The following SCG5 variants were observed in gnomAD, a reference collection of about 807,000 sequenced individuals.
The protein encoded by SCG5 is neuroendocrine protein 7B2.
SCG5 carries 18 observed loss-of-function variants against 25.7 expected under a neutral mutation model. That is an observed-to-expected ratio of 0.70 (90% CI 0.48 to 1.04). SCG5 has a LOEUF of 1.04. Among genes scored for constraint, SCG5 ranks in the 50% least tolerant of loss-of-function variants. The probability of loss-of-function intolerance (pLI) is 0.00; values close to 1 mark genes in which losing one functional copy is unlikely to be tolerated. For synonymous variants in SCG5, 101 were observed against 91.7 expected (o/e 1.10, Z -0.58); for missense variants, 206 against 259.8 (o/e 0.79, Z 1.42).
At position 32,679,890 on chromosome 15, in the gene SCG5, A is replaced by C. The variant is rs1177048058; in HGVS notation, c.351A>C (p.Pro117=). ...FSEDQGYPDP[P]NPCPVGKTAD... is the part of the protein sequence containing the mutation. ...AGGATCAGGGGTACCCAGACCCTCC[A>C]AATCCCTGTCCTGTTGGAAAAACAG... is the stretch of plus-strand genomic sequence containing the variant. Residue 117 remains proline (P), a synonymous_variant, in exon 3 of 6, where the codon CCA becomes CCC. Transcript: ENST00000300175. 3 of 1,613,742 alleles carry C rather than the reference A, an allele frequency of 1.9e-6. No homozygotes were observed. Among genetic ancestry groups the C allele is most frequent in the Non-Finnish European group, 2.5e-6 (3 of 1,179,752 alleles).
Position 32,643,681 on chromosome 15 carries a change from G to A in SCG5, c.89G>A (p.Arg30Gln), listed in dbSNP as rs373839348. The A allele has an allele frequency of 8.1e-5, 131 of 1,613,724 alleles. No homozygotes were observed. Among genetic ancestry groups the A allele is most frequent in the East Asian group, 7.4e-4 (33 of 44,884 alleles). ...GWTPAFAYSPRTPDRVSEADI... is the reference protein window; with the variant it reads ...GWTPAFAYSPQTPDRVSEADI... ...ACTCCAGCATTTGCTTACAGCCCCC[G>A]GACCCCTGACCGGGTCTCAGAAGCA... Residue 30 changes from arginine to glutamine, a missense_variant, in exon 2 of 6, where the codon CGG (arginine) becomes CAG (glutamine). Transcript: ENST00000300175.
intron 2 of SCG5, chr15:32,677,671 TA>T (rs1267083450): frequency 1.3e-5 from 2 of 152,212 alleles, no homozygotes; most frequent in East Asian, 3.8e-4. Context: ...GCCTTTCCTG[TA>T]TTGGTCTGCG....
At position 32,688,737 on chromosome 15, in the gene SCG5, T is replaced by C. The variant is rs533895006; in HGVS notation, c.490-2973T>C. 4.6e-5 allele frequency among the ~76,000 whole-genome samples: 7 copies of C among 152,154 alleles called. No individual in the cohort carries two copies. The South Asian group carries it at 1.5e-3, about 32-fold the overall frequency. ...ACTTTGGGAGGCCGAGGCAGGCGGA[T>C]CATGAGGTCAGGAGATCGAGACCAT... On this transcript the variant is annotated intron_variant, in intron 4 of 5. Coordinates refer to ENST00000300175, the MANE Select transcript of SCG5 (RefSeq NM_001144757.3).
At chr15:32,645,813 C>T (rs1431598089) in intron 2 of SCG5, among the ~76,000 whole-genome samples, 2 of 152,088 alleles carry the variant, frequency 1.3e-5, no homozygotes, top group African/African-American at 2.4e-5. Context: ...ATGTGCTTAA[C>T]ATAGCAATTT....
chr15:32,656,105 A>T (rs1042450705), intron 2 of SCG5: 2 of 152,156 alleles, frequency 1.3e-5, no homozygotes, highest in East Asian at 3.8e-4. Context: ...CCACTAAGGC[A>T]TTATTTATTG....
chr15:32,647,102 C>G (rs1417095040), intron 2 of SCG5, among the ~76,000 whole-genome samples: 1 of 152,162 alleles, frequency 6.6e-6, no homozygotes, highest in Admixed American at 6.5e-5. Flanking sequence ...TGACCTTGGG[C>G]AAGTTACTTA....
intron 4 of SCG5, among the ~76,000 whole-genome samples, chr15:32,685,533 C>T (rs1188002254): frequency 6.6e-6 from 1 of 152,186 alleles, no homozygotes; most frequent in African/African-American, 2.4e-5. Context: ...CTTAGCACTA[C>T]CCCACTCCAC....
At chr15:32,662,544 T>C (rs1028710133) in intron 2 of SCG5, among the ~76,000 whole-genome samples, 8 of 152,170 alleles carry the variant, frequency 5.3e-5, no homozygotes, top group African/African-American at 1.9e-4. Context: ...TTATTAGATC[T>C]AATTTTTGTC....
chr15:32,646,441 T>C (rs2140497906), intron 2 of SCG5, among the ~76,000 whole-genome samples: 1 of 152,310 alleles, frequency 6.6e-6, no homozygotes, highest in East Asian at 1.9e-4. Context: ...TCTCAGCTCT[T>C]AGAGGCCGCC....
chr15:32,667,798 G>A (rs8028591), intron 2 of SCG5, among the ~76,000 whole-genome samples: 3 of 151,630 alleles, frequency 2.0e-5, no homozygotes, highest in African/African-American at 7.3e-5. Context: ...TCAGCCTTTC[G>A]AGTAACTGGG....
At chr15:32,680,056 G>A (rs1488858921) in intron 3 of SCG5, 141 bp downstream of exon 3, 2 of 760,434 alleles carry the variant, frequency 2.6e-6, no homozygotes, top group Non-Finnish European at 4.2e-6. Context: ...TAGATGGGAA[G>A]GGGAAATTTA....
intron 2 of SCG5, among the ~76,000 whole-genome samples, chr15:32,670,933 C>T (rs2054412196): frequency 6.6e-6 from 1 of 152,182 alleles, no homozygotes; most frequent in Non-Finnish European, 1.5e-5. Context: ...AATTTCGGCT[C>T]TGTTAATTGT....
Position 32,689,266 on chromosome 15 carries a change from T to A in SCG5, c.490-2444T>A, listed in dbSNP as rs1271669476. ...TCATGGATTCCATAATGCATATTAT[T>A]ATGTATTCTGGTGTTCAAACTGTCC... On this transcript the variant is annotated intron_variant, in intron 4 of 5. Coordinates refer to ENST00000300175, the MANE Select transcript of SCG5 (RefSeq NM_001144757.3). 3.3e-5 allele frequency among the ~76,000 whole-genome samples: 5 copies of A among 152,204 alleles called. No homozygotes were observed. In the East Asian group the frequency reaches 7.7e-4, roughly 23 times the overall value.
At chr15:32,668,372 C>T (rs967590563) in intron 2 of SCG5, among the ~76,000 whole-genome samples, 3 of 152,232 alleles carry the variant, frequency 2.0e-5, no homozygotes, top group Non-Finnish European at 4.4e-5. Flanking sequence ...GTGAGAATCA[C>T]GTTCCTTGTC....
intron 4 of SCG5, among the ~76,000 whole-genome samples, chr15:32,686,910 G>A (rs2054722292): frequency 6.6e-6 from 1 of 152,184 alleles, no homozygotes. Flanking sequence ...CAATTATTAG[G>A]GAAGATGGAA....
Position 32,684,667 on chromosome 15 carries a change from TG to T in SCG5, c.489+1del. 6.2e-7 allele frequency: 1 copy of T among 1,606,034 alleles called. No homozygotes were observed. Among genetic ancestry groups the T allele is most frequent in the Non-Finnish European group, 8.5e-7 (1 of 1,173,260 alleles). ...PEHDYPGLGKWNKKLLYEKMK... is the reference protein window; with the variant it reads ...PEHDYPGLGKXNKKLLYEKMK... The stretch of plus-strand genomic sequence containing the variant: ...ACATGACTATCCAGGCTTGGGCAAG[TG>T]GGTAAGTCCTATCTCAATTGTTAGT... On this transcript the variant is annotated frameshift_variant and splice_region_variant, in exon 4 of 6. Transcript: ENST00000300175. LOFTEE classifies it high-confidence loss of function.
chr15:32,681,879 C>T lies in SCG5; in HGVS notation c.376+1964C>T, dbSNP rs78923113. 2.5e-4 allele frequency among the ~76,000 whole-genome samples: 38 copies of T among 152,220 alleles called. 1 individual carries two copies. The highest frequency in any genetic ancestry group is 6.0e-4 in the African/African-American group (25 of 41,536). ...CATTTAGGATGAGGCCTCTGTTTTC[C>T]GTGGGGCACAAAGCTTCCATCTTGA... On this transcript the variant is annotated intron_variant, in intron 3 of 5. Transcript: ENST00000300175.
chr15:32,659,116 C>T (rs895769303), intron 2 of SCG5, among the ~76,000 whole-genome samples: 4 of 151,956 alleles, frequency 2.6e-5, no homozygotes, highest in Non-Finnish European at 5.9e-5. Context: ...GCGGAGCTGG[C>T]AGTGAGCCGA....
chr15:32,643,045 T>C (rs2053891099), intron 1 of SCG5, among the ~76,000 whole-genome samples: 1 of 152,178 alleles, frequency 6.6e-6, no homozygotes, highest in South Asian at 2.1e-4. Context: ...ACATTTTCCT[T>C]CCTTTCAGGA....
Sources: gnomAD v4.1 joint callset for allele counts (sites outside exome capture counted in the v4.1 genomes callset) on GRCh38, gnomAD v4.1.1 for gene constraint, MANE v1.5 for transcripts, NCBI Gene and HGNC (gene_info 2026-07-23, HGNC 2026-07-21) for gene names.